Variants in LNPEP observed in about 807,000 individuals in gnomAD.
LNPEP encodes the protein leucyl and cystinyl aminopeptidase, also known as leucyl-cystinyl aminopeptidase.
Under a neutral mutation model 120.6 loss-of-function variants are expected in LNPEP, and 64 were observed. The ratio of observed to expected loss-of-function variants is 0.53; its 90% CI spans 0.43 to 0.65. The LOEUF is 0.65. Ranked by LOEUF, LNPEP falls within the 30% of genes least tolerant of loss-of-function variation. LNPEP has a pLI of 0.00. For synonymous variants in LNPEP, 435 were observed against 425.4 expected (o/e 1.02, Z -0.28); for missense variants, 1,057 against 1,200.0 (o/e 0.88, Z 1.76).
Position 96,992,034 on chromosome 5 carries a change from AAT to A in LNPEP, c.1132-979_1132-978del, listed in dbSNP as rs780915970. On this transcript the variant is annotated intron_variant, in intron 4 of 17. Coordinates refer to ENST00000231368, the MANE Select transcript of LNPEP (RefSeq NM_005575.3). ...GGCTTTTTAAAATCAATTAGAAAAA[AAT>A]AAATACTGTTTTGTAAAACCCATTG... Among the ~76,000 whole-genome samples, 129 of 113,118 alleles carry A rather than the reference AAT, an allele frequency of 1.1e-3. 1 individual carries two copies. Among genetic ancestry groups the A allele is most frequent in the Non-Finnish European group, 7.9e-4 (40 of 50,496 alleles). The allele number at this position is 113,118 out of a possible 152,430, so 74.2% of individuals were successfully genotyped here.
chr5:96,977,790 A>T (rs563577089), intron 1 of LNPEP, among the ~76,000 whole-genome samples: 8 of 152,166 alleles, frequency 5.3e-5, no homozygotes, highest in Non-Finnish European at 1.0e-4. Context: ...TGCTCTCCTG[A>T]TGGTGAAATA....
chr5:96,954,481 G>A lies in LNPEP; in HGVS notation c.19+18307G>A, dbSNP rs567599864. Among the ~76,000 whole-genome samples, 6 of 151,830 alleles carry A rather than the reference G, an allele frequency of 4.0e-5. No homozygotes were observed. The East Asian group carries it at 1.2e-3, about 29-fold the overall frequency. The stretch of plus-strand genomic sequence containing the variant: ...TTGTGGAGCAAAGACCTGGAATCCA[G>A]CATATGAGAATGTGCAATAATTGTT... On this transcript the variant is annotated intron_variant, in intron 1 of 17. Coordinates refer to ENST00000231368, the MANE Select transcript of LNPEP (RefSeq NM_005575.3).
At chr5:97,022,636 CTT>C (rs565546082) in intron 14 of LNPEP, 152 bp downstream of exon 14, 717 of 521,530 alleles carry the variant, frequency 1.4e-3, no homozygotes, top group Non-Finnish European at 1.6e-3. Context: ...TCAAACAAGA[CTT>C]TTTTTTTTTT....
intron 1 of LNPEP, chr5:96,937,406 T>C (rs1452461539): frequency 6.6e-6 from 1 of 152,246 alleles, no homozygotes; most frequent in African/African-American, 2.4e-5. Context: ...ATAACAACTT[T>C]AATTCTGAAT....
At chr5:97,013,570 AAAAC>A (rs1790989750) in intron 11 of LNPEP, 74 bp from the exon 12 acceptor site, 3 of 738,406 alleles carry the variant, frequency 4.1e-6, no homozygotes, top group South Asian at 3.6e-5. Context: ...AATAAACTAA[AAAAC>A]AAAGCACTCA....
intron 1 of LNPEP, among the ~76,000 whole-genome samples, chr5:96,949,366 T>G (rs1310343364): frequency 1.3e-5 from 2 of 152,228 alleles, no homozygotes; most frequent in Non-Finnish European, 2.9e-5. Flanking sequence ...TGAACCCTAT[T>G]GTGAACTGCA....
rs1334767537 is a variant in LNPEP, at chr5:97,037,274, T to C, written c.*8741T>C. The C allele has an allele frequency of 6.6e-6, 1 of 152,198 alleles. No individual in the cohort carries two copies. The highest frequency in any genetic ancestry group is 1.5e-5 in the Non-Finnish European group (1 of 68,028). The allele number at this position is 152,198 out of a possible 1,614,324, so 9.4% of individuals were successfully genotyped here. A position where few individuals can be genotyped will look rare whatever the true frequency, so the allele number is the denominator to read the frequency against. ...GATCTTCAATTCCTTGAGTCTGAGC[T>C]TGTGGGTGGAATTCTAAATTTGTAT... On this transcript the variant is annotated 3_prime_UTR_variant, in exon 18 of 18. Transcript: ENST00000231368.
At chr5:96,940,087 G>A (rs1176564667) in intron 1 of LNPEP, among the ~76,000 whole-genome samples, 3 of 152,056 alleles carry the variant, frequency 2.0e-5, no homozygotes, top group African/African-American at 7.2e-5. Flanking sequence ...AAGACTGTTA[G>A]GAATTAAGTG....
At chr5:97,024,122 G>C (rs1791280056) in intron 14 of LNPEP, among the ~76,000 whole-genome samples, 1 of 152,142 alleles carries the variant, frequency 6.6e-6, no homozygotes. Flanking sequence ...GCAGTAGACT[G>C]TGTTTTCTCC....
chr5:96,947,137 A>G (rs1172969968), intron 1 of LNPEP, among the ~76,000 whole-genome samples: 1 of 152,212 alleles, frequency 6.6e-6, no homozygotes, highest in Admixed American at 6.5e-5. Flanking sequence ...TTGAGAGATT[A>G]ATAAGCATAA....
At chr5:96,996,251 TG>T in intron 6 of LNPEP, 138 bp from the exon 7 acceptor site, 1 of 491,908 alleles carries the variant, frequency 2.0e-6, no homozygotes, top group East Asian at 3.5e-5. Flanking sequence ...GAATATAGTT[TG>T]TTTTAACTAT....
chr5:96,971,422 T>C (rs796268566), intron 1 of LNPEP, among the ~76,000 whole-genome samples: 4 of 151,602 alleles, frequency 2.6e-5, no homozygotes, highest in African/African-American at 9.7e-5. Flanking sequence ...ATTTTGGATC[T>C]GGTAAGTGGT....
At chr5:96,964,242 A>G (rs1244771549) in intron 1 of LNPEP, among the ~76,000 whole-genome samples, 1 of 152,002 alleles carries the variant, frequency 6.6e-6, no homozygotes, top group Non-Finnish European at 1.5e-5. Flanking sequence ...GATCAATTCT[A>G]AAACATCCTA....
At chr5:97,008,347 T>TTTTTTTTTTTTTTTTTTTTTTTTTTTTG in intron 11 of LNPEP, among the ~76,000 whole-genome samples, 1 of 47,106 alleles carries the variant, frequency 2.1e-5, no homozygotes, top group African/African-American at 7.1e-5. Context: ...GTTTTTTTTT[T>TTTTTTTTTTTTTTTTTTTTTTTTTTTTG]TTTTTTTTTT....
chr5:97,022,190 A>G (rs776885462), intron 13 of LNPEP, 110 bp from the exon 14 acceptor site: 74 of 673,752 alleles, frequency 1.1e-4, no homozygotes, highest in East Asian at 5.5e-4. Flanking sequence ...CAGCTTCCCA[A>G]CGTGCTGGGA....
intron 8 of LNPEP, among the ~76,000 whole-genome samples, chr5:97,003,183 AGT>A (rs1790694482): frequency 6.6e-6 from 1 of 152,208 alleles, no homozygotes; most frequent in African/African-American, 2.4e-5. Context: ...TGGTTAGAAT[AGT>A]GCACATGGGA....
At chr5:96,963,476 T>C (rs748260456) in intron 1 of LNPEP, among the ~76,000 whole-genome samples, 7 of 152,198 alleles carry the variant, frequency 4.6e-5, no homozygotes, top group Non-Finnish European at 7.3e-5. Context: ...TATCTGCCAG[T>C]TGATGATGGC....
intron 6 of LNPEP, 79 bp downstream of exon 6, chr5:96,994,050 T>C (rs548481234): frequency 6.4e-5 from 75 of 1,167,604 alleles, no homozygotes; most frequent in Non-Finnish European, 8.6e-5. Context: ...ATTTAGATGC[T>C]AATAATTCTT....
At chr5:96,960,615 A>G (rs1789578969) in intron 1 of LNPEP, among the ~76,000 whole-genome samples, 1 of 152,318 alleles carries the variant, frequency 6.6e-6, no homozygotes, top group African/African-American at 2.4e-5. Context: ...GATGACCATA[A>G]ATCTCTTCAG....
Sources: gnomAD v4.1 joint callset for allele counts (sites outside exome capture counted in the v4.1 genomes callset) on GRCh38, gnomAD v4.1.1 for gene constraint, MANE v1.5 for transcripts, NCBI Gene and HGNC (gene_info 2026-07-23, HGNC 2026-07-21) for gene names.